Variants in CSMD1 observed in about 807,000 individuals in gnomAD.
CSMD1 encodes CUB and Sushi multiple domains 1.
A neutral mutation model predicts 417.5 loss-of-function variants in CSMD1; 213 were observed. The observed-to-expected ratio is 0.51, with a 90% CI of 0.46 to 0.57. The LOEUF is 0.57. CSMD1 is among the 20% of genes least tolerant of loss of function. The pLI, the probability that CSMD1 is intolerant of heterozygous loss-of-function variation, is 0.00. For synonymous variants in CSMD1, 2,862 were observed against 1,736.8 expected (o/e 1.65, Z -16.11); for missense variants, 6,923 against 4,529.7 (o/e 1.53, Z -15.17).
intron 49 of CSMD1, 91 bp downstream of exon 49, chr8:3,087,006 T>C: frequency 8.6e-7 from 1 of 1,162,364 alleles, no homozygotes; most frequent in Admixed American, 2.1e-5. Flanking sequence ...TACCTTTTAT[T>C]CTTAGTTAGT....
intron 5 of CSMD1, among the ~76,000 whole-genome samples, chr8:3,781,851 G>C (rs960333533): frequency 6.6e-6 from 1 of 152,002 alleles, no homozygotes. Flanking sequence ...AGATTCATTT[G>C]TTCAATGGCA....
intron 5 of CSMD1, among the ~76,000 whole-genome samples, chr8:3,839,552 T>C (rs1364461313): frequency 1.6e-5 from 2 of 129,004 alleles, no homozygotes; most frequent in African/African-American, 5.8e-5. Context: ...ATATTATATA[T>C]ATATTATAAT....
At chr8:3,145,590 G>A (rs1242239342) in intron 40 of CSMD1, among the ~76,000 whole-genome samples, 1 of 152,136 alleles carries the variant, frequency 6.6e-6, no homozygotes, top group Non-Finnish European at 1.5e-5. Flanking sequence ...AAATTATACA[G>A]CCACATATCA....
chr8:3,023,396 G>C (rs1266454648), intron 51 of CSMD1, among the ~76,000 whole-genome samples: 3 of 152,160 alleles, frequency 2.0e-5, no homozygotes. Context: ...TGAACAGTAA[G>C]TCGAACAATA....
intron 4 of CSMD1, among the ~76,000 whole-genome samples, chr8:4,015,308 A>C (rs886172035): frequency 6.6e-6 from 1 of 152,156 alleles, no homozygotes; most frequent in Non-Finnish European, 1.5e-5. Flanking sequence ...GGCACCCATA[A>C]AAAGCATGAC....
intron 3 of CSMD1, among the ~76,000 whole-genome samples, chr8:4,086,518 G>A (rs1378247063): frequency 1.3e-5 from 2 of 152,114 alleles, no homozygotes; most frequent in Admixed American, 1.3e-4. Flanking sequence ...AAAAGTGACT[G>A]GTCAACTCCC....
rs182932077 is a variant in CSMD1, at chr8:4,202,302, C to T, written c.416-170203G>A. On this transcript the variant is annotated intron_variant, in intron 3 of 69. Coordinates refer to ENST00000635120, the MANE Select transcript of CSMD1 (RefSeq NM_033225.6). ...ATTATGCTTTAAAAAAATGAAGCAT[C>T]TGCCTATTTGCTTTTCAAGAGCTCA... is the stretch of plus-strand genomic sequence containing the variant. 3.1e-3 allele frequency among the ~76,000 whole-genome samples: 465 copies of T among 152,258 alleles called. 2 individuals carry two copies. Among genetic ancestry groups the T allele is most frequent in the Admixed American group, 5.9e-3 (90 of 15,298 alleles).
At chr8:3,704,089 A>T (rs1025949545) in intron 7 of CSMD1, among the ~76,000 whole-genome samples, 2 of 152,152 alleles carry the variant, frequency 1.3e-5, no homozygotes, top group African/African-American at 4.8e-5. Context: ...AAAACAAAAA[A>T]ACTTAGCTCT....
chr8:3,452,039 G>T (rs1480587929), intron 12 of CSMD1, among the ~76,000 whole-genome samples: 1 of 152,104 alleles, frequency 6.6e-6, no homozygotes, highest in South Asian at 2.1e-4. Flanking sequence ...CACATCCCTT[G>T]TAAGTTGGAT....
At chr8:3,332,654 C>T (rs867515676) in intron 23 of CSMD1, among the ~76,000 whole-genome samples, 17 of 152,302 alleles carry the variant, frequency 1.1e-4, no homozygotes, top group African/African-American at 3.6e-4. Flanking sequence ...TTTATGTCTT[C>T]AAGTGTGTGT....
chr8:4,418,799 G>C (rs757591691), intron 3 of CSMD1, among the ~76,000 whole-genome samples: 6 of 152,030 alleles, frequency 3.9e-5, no homozygotes, highest in Non-Finnish European at 8.8e-5. Flanking sequence ...TTCCTTGATA[G>C]TAACGTACTT....
At chr8:4,173,144 T>C (rs1797859070) in intron 3 of CSMD1, among the ~76,000 whole-genome samples, 1 of 152,068 alleles carries the variant, frequency 6.6e-6, no homozygotes, top group Admixed American at 6.6e-5. Flanking sequence ...AAGTATAGGG[T>C]TGCTAGATTG....
At chr8:3,455,143 G>A (rs534184644) in intron 12 of CSMD1, among the ~76,000 whole-genome samples, 53 of 152,092 alleles carry the variant, frequency 3.5e-4, no homozygotes, top group Non-Finnish European at 6.6e-4. Flanking sequence ...TAGTTCTCCT[G>A]CCATGGTTTT....
intron 1 of CSMD1, among the ~76,000 whole-genome samples, chr8:4,895,263 T>C (rs1427616403): frequency 6.6e-6 from 1 of 152,168 alleles, no homozygotes; most frequent in Non-Finnish European, 1.5e-5. Context: ...AATTTCTGAC[T>C]CAGGTGTGTT....
chr8:4,311,029 G>A (rs1285717165), intron 3 of CSMD1, among the ~76,000 whole-genome samples: 1 of 152,176 alleles, frequency 6.6e-6, no homozygotes, highest in Non-Finnish European at 1.5e-5. Context: ...GGAGAAAAGG[G>A]AACACTTATA....
chr8:4,605,825 G>T (rs1283953653), intron 2 of CSMD1, among the ~76,000 whole-genome samples: 1 of 152,162 alleles, frequency 6.6e-6, no homozygotes, highest in Non-Finnish European at 1.5e-5. Flanking sequence ...ACTTGATGGT[G>T]GACAAGGGTT....
At chr8:4,205,589 G>T (rs553788159) in intron 3 of CSMD1, among the ~76,000 whole-genome samples, 6 of 152,110 alleles carry the variant, frequency 3.9e-5, no homozygotes, top group Non-Finnish European at 7.4e-5. Context: ...TAAATGATGG[G>T]GTAGGATGAA....
chr8:4,572,813 T>C (rs1798951010), intron 2 of CSMD1, among the ~76,000 whole-genome samples: 1 of 152,176 alleles, frequency 6.6e-6, no homozygotes, highest in African/African-American at 2.4e-5. Context: ...GCTCTATTCT[T>C]TCCTTTCATT....
At chr8:4,658,821 A>C (rs957413293) in intron 1 of CSMD1, among the ~76,000 whole-genome samples, 1 of 152,180 alleles carries the variant, frequency 6.6e-6, no homozygotes, top group Non-Finnish European at 1.5e-5. Flanking sequence ...AACACAATTT[A>C]TGAGGATATA....
Sources: allele counts gnomAD v4.1 joint callset (sites outside exome capture counted in the v4.1 genomes callset), GRCh38; gene constraint gnomAD v4.1.1; transcripts MANE v1.5; gene names NCBI Gene and HGNC (gene_info 2026-07-23, HGNC 2026-07-21).